BAZ2B: variants seen among roughly 807,000 people sequenced by gnomAD.
BAZ2B encodes the protein bromodomain adjacent to zinc finger domain protein 2B.
Under a neutral mutation model 246.0 loss-of-function variants are expected in BAZ2B, and 91 were observed. The ratio of observed to expected loss-of-function variants is 0.37; its 90% CI spans 0.31 to 0.44. The LOEUF (loss-of-function observed/expected upper bound fraction) is 0.44. Ranked by LOEUF, BAZ2B falls within the 20% of genes least tolerant of loss-of-function variation. The probability of loss-of-function intolerance (pLI) is 1.00; values close to 1 mark genes in which losing one functional copy is unlikely to be tolerated. For missense variants in BAZ2B, 2,332 were observed against 2,533.7 expected (o/e 0.92, Z 1.71); for synonymous variants, 855 against 860.0 (o/e 0.99, Z 0.10).
At chr2:159,587,873 T>C (rs998724648) in intron 1 of BAZ2B, among the ~76,000 whole-genome samples, 3 of 151,932 alleles carry the variant, frequency 2.0e-5, no homozygotes, top group Admixed American at 1.3e-4. Flanking sequence ...TTGTATACAA[T>C]ATATCAAGAG....
intron 24 of BAZ2B, 124 bp from the exon 25 acceptor site, chr2:159,382,926 C>T (rs2062169913): frequency 7.9e-7 from 1 of 1,267,748 alleles, no homozygotes; most frequent in Admixed American, 2.8e-5. Flanking sequence ...AGCGATATAC[C>T]AATGTTAAAA....
chr2:159,629,728 A>T, the BAZ2B span, among the ~76,000 whole-genome samples: 3 of 152,218 alleles, frequency 2.0e-5, no homozygotes, highest in Non-Finnish European at 4.4e-5. Flanking sequence ...AATGTAGATG[A>T]TGGGTTAATG....
intron 14 of BAZ2B, among the ~76,000 whole-genome samples, chr2:159,411,640 A>G (rs1331643112): frequency 6.6e-6 from 1 of 152,140 alleles, no homozygotes; most frequent in Non-Finnish European, 1.5e-5. Flanking sequence ...GTAACTAGTG[A>G]CTCAAACTGC....
chr2:159,527,494 T>C (rs2084887466), intron 2 of BAZ2B, among the ~76,000 whole-genome samples: 1 of 152,230 alleles, frequency 6.6e-6, no homozygotes, highest in African/African-American at 2.4e-5. Context: ...CTATGGATCA[T>C]GTTTTTGCAT....
chr2:159,700,731 C>T, the BAZ2B span, among the ~76,000 whole-genome samples: 1 of 152,170 alleles, frequency 6.6e-6, no homozygotes. Context: ...AGGCGTGAGC[C>T]ACCTCGTCCT....
chr2:159,608,016 G>C lies in BAZ2B; in HGVS notation c.-46+8226C>G, dbSNP rs4665091. Among the ~76,000 whole-genome samples, 1,392 of 152,302 alleles carry C rather than the reference G, an allele frequency of 9.1e-3. 27 individuals are homozygous for C. The highest frequency in any genetic ancestry group is 0.04 in the East Asian group (210 of 5,188). On this transcript the variant is annotated intron_variant, in intron 1 of 36. Coordinates refer to ENST00000392783, the MANE Select transcript of BAZ2B (RefSeq NM_013450.4). Reference sequence around the variant, plus strand: ...GCAATTCTGTGGTGGATGTCACTGAGTCACTTTACTTTTTCAAACAACGTC... The same window carrying C: ...GCAATTCTGTGGTGGATGTCACTGACTCACTTTACTTTTTCAAACAACGTC...
rs750337027 is a variant in BAZ2B at position 159,349,844 on chromosome 2, G to A, written c.4727C>T (p.Ala1576Val). 1 of 1,614,182 alleles carries A rather than the reference G, an allele frequency of 6.2e-7. No individual in the cohort carries two copies. The highest frequency in any genetic ancestry group is 1.1e-5 in the South Asian group (1 of 91,086). ...TPCDDTSLTH[A>V]DMSTASLVTP... is the part of the protein sequence containing the mutation. ...CACCAAAGAAGCAGTTGACATATCG[G>A]CATGAGTAAGTGAAGTGTCATCACA... is the stretch of plus-strand genomic sequence containing the variant. Residue 1576 changes from alanine to valine, a missense_variant, in exon 28 of 37, where the codon GCC (alanine) becomes GTC (valine). This residue lies in a region of BAZ2B where 676 missense variants were observed against 668.6 expected (regional missense o/e 1.01). Coordinates refer to ENST00000392783, the MANE Select transcript of BAZ2B (RefSeq NM_013450.4).
chr2:159,423,694 A>T (rs2069205729), intron 13 of BAZ2B, among the ~76,000 whole-genome samples: 1 of 152,270 alleles, frequency 6.6e-6, no homozygotes, highest in Non-Finnish European at 1.5e-5. Context: ...CCATAGAAAG[A>T]ATGATATCTT....
chr2:159,341,225 T>C (rs1409286371), intron 31 of BAZ2B, among the ~76,000 whole-genome samples: 1 of 147,246 alleles, frequency 6.8e-6, no homozygotes, highest in African/African-American at 2.5e-5. Context: ...ATAGTTATAC[T>C]TATGTCAGAT....
intron 1 of BAZ2B, among the ~76,000 whole-genome samples, chr2:159,566,911 GAA>G (rs2151535937): frequency 6.6e-6 from 1 of 152,188 alleles, no homozygotes; most frequent in South Asian, 2.1e-4. Flanking sequence ...AACGGAGAAA[GAA>G]AAATAAGATG....
chr2:159,487,422 C>T (rs2079962113), intron 2 of BAZ2B, among the ~76,000 whole-genome samples: 1 of 152,190 alleles, frequency 6.6e-6, no homozygotes, highest in South Asian at 2.1e-4. Context: ...TCAGTTCTCA[C>T]TCCAGTTCTT....
intron 3 of BAZ2B, among the ~76,000 whole-genome samples, chr2:159,471,191 G>C (rs749808806): frequency 6.6e-6 from 1 of 152,190 alleles, no homozygotes; most frequent in Non-Finnish European, 1.5e-5. Flanking sequence ...ACTGCTGTGA[G>C]TTGGGATGTG....
chr2:159,397,338 T>C lies in BAZ2B; in HGVS notation c.3009+7A>G, dbSNP rs557590160. On this transcript the variant is annotated splice_region_variant and intron_variant, in intron 19 of 36. Transcript: ENST00000392783. ...TTCAACAATTGTATAACTATACATA[T>C]ACAGACCTGATGTTTCAGAAGAACA... The C allele has an allele frequency of 1.9e-6, 3 of 1,541,686 alleles. No homozygotes were observed. The highest frequency in any genetic ancestry group is 2.3e-5 in the East Asian group (1 of 44,216).
intron 7 of BAZ2B, 123 bp downstream of exon 7, chr2:159,438,886 G>T: frequency 1.6e-6 from 2 of 1,256,296 alleles, no homozygotes; most frequent in Non-Finnish European, 2.2e-6. Flanking sequence ...CTTCTTTCTT[G>T]GGCAAAAGTA....
chr2:159,374,515 T>C (rs887710167), intron 26 of BAZ2B, among the ~76,000 whole-genome samples, 176 bp downstream of exon 26: 1 of 152,224 alleles, frequency 6.6e-6, no homozygotes, highest in African/African-American at 2.4e-5. Context: ...TGTAAGAATG[T>C]TTCTAGTGTT....
intron 16 of BAZ2B, among the ~76,000 whole-genome samples, chr2:159,401,013 A>C (rs1335912083): frequency 1.3e-5 from 2 of 152,204 alleles, no homozygotes; most frequent in East Asian, 3.8e-4. Context: ...ACTGCACTCC[A>C]GCCTGGGCGA....
At chr2:159,324,098 G>C (rs1166596437) in intron 36 of BAZ2B, among the ~76,000 whole-genome samples, 1 of 151,988 alleles carries the variant, frequency 6.6e-6, no homozygotes, top group Non-Finnish European at 1.5e-5. Context: ...ATAAATCATA[G>C]AGAACAGTTA....
At chr2:159,482,174 TA>T (rs559758096) in intron 2 of BAZ2B, among the ~76,000 whole-genome samples, 69 of 141,860 alleles carry the variant, frequency 4.9e-4, no homozygotes, top group Non-Finnish European at 6.9e-4. Flanking sequence ...TAGTAAGCAC[TA>T]AAAAAAAAAT....
At chr2:159,532,816 G>A (rs554135763) in intron 2 of BAZ2B, among the ~76,000 whole-genome samples, 3 of 152,254 alleles carry the variant, frequency 2.0e-5, no homozygotes, top group Admixed American at 6.5e-5. Context: ...AGTCACACTC[G>A]TTTTAGGTAG....
Sources: gnomAD v4.1 joint callset for allele counts (sites outside exome capture counted in the v4.1 genomes callset) on GRCh38, gnomAD v4.1.1 for gene constraint, gnomAD v4.1.1 regional missense constraint, MANE v1.5 for transcripts, NCBI Gene and HGNC (gene_info 2026-07-23, HGNC 2026-07-21) for gene names.